Variants in COLEC10 observed in about 807,000 individuals in gnomAD.
COLEC10 encodes collectin subfamily member 10, also known as collectin-10.
COLEC10 carries 22 observed loss-of-function variants against 28.4 expected under a neutral mutation model. The observed-to-expected ratio is 0.78, with a 90% CI of 0.55 to 1.11. The LOEUF (loss-of-function observed/expected upper bound fraction) is 1.11, where lower values mean the gene tolerates loss of function less well. COLEC10 is among the 50% of genes least tolerant of loss of function. The pLI, the probability that COLEC10 is intolerant of heterozygous loss-of-function variation, is 0.00. For synonymous variants in COLEC10, 125 were observed against 116.1 expected (o/e 1.08, Z -0.49); for missense variants, 361 against 344.1 (o/e 1.05, Z -0.39).
upstream of COLEC10, among the ~76,000 whole-genome samples, chr8:119,063,889 G>A (rs1001411037): frequency 6.6e-6 from 1 of 152,150 alleles, no homozygotes; most frequent in Non-Finnish European, 1.5e-5. Flanking sequence ...GTAGAACTAT[G>A]AAGACAGTTT....
intron 2 of COLEC10, among the ~76,000 whole-genome samples, chr8:119,045,356 A>T (rs544652930): frequency 6.6e-6 from 1 of 152,336 alleles, no homozygotes; most frequent in South Asian, 2.1e-4. Context: ...AAATAGAAAA[A>T]TGTGGCATGA....
the COLEC10 span, among the ~76,000 whole-genome samples, chr8:118,989,589 CCATAACCTACT>C: frequency 4.2e-5 from 6 of 143,976 alleles, no homozygotes; most frequent in Non-Finnish European, 9.1e-5. Context: ...CCCTACCTAC[CCATAACCTACT>C]CAAACTGCAG....
chr8:118,987,891 T>C, the COLEC10 span, among the ~76,000 whole-genome samples: 2 of 152,286 alleles, frequency 1.3e-5, no homozygotes, highest in Non-Finnish European at 2.9e-5. Context: ...AAATAGTCTT[T>C]GGTTTCAGCA....
chr8:119,067,397 G>A lies in COLEC10; in HGVS notation c.116G>A (p.Cys39Tyr). 1 of 1,613,986 alleles carries A rather than the reference G, an allele frequency of 6.2e-7. No individual in the cohort carries two copies. The change falls in exon 1 of 6, where the codon TGT becomes TAT. Residue 39 changes from cysteine to tyrosine, a missense_variant. By Grantham distance (194) the Cys-to-Tyr change is radical (BLOSUM62 -2). This residue lies in a region of COLEC10 where 335 missense variants were observed against 308.5 expected (regional missense o/e 1.09). Coordinates refer to ENST00000332843, the MANE Select transcript of COLEC10 (RefSeq NM_006438.5). ...GATAGCCGTCCTACCGCTGAAGTCT[G>A]TGCCACACACACAATTTCACCAGGA... is the stretch of plus-strand genomic sequence containing the variant. Reference protein sequence around the residue: ...DIDSRPTAEVCATHTISPGPK... With the variant: ...DIDSRPTAEVYATHTISPGPK...
the COLEC10 span, among the ~76,000 whole-genome samples, chr8:118,979,607 C>A: frequency 6.6e-6 from 1 of 151,870 alleles, no homozygotes; most frequent in African/African-American, 2.4e-5. Flanking sequence ...AGAATTTAAT[C>A]ATTCCACAAA....
intron 2 of COLEC10, among the ~76,000 whole-genome samples, chr8:119,040,336 G>C (rs1814471994): frequency 6.6e-6 from 1 of 152,156 alleles, no homozygotes; most frequent in Non-Finnish European, 1.5e-5. Flanking sequence ...ATGGTCTTAA[G>C]AGGAGACATT....
At position 119,104,032 on chromosome 8, in the gene COLEC10, A is replaced by T. The variant is rs558099006; in HGVS notation, c.442+137A>T. The T allele has an allele frequency of 1.3e-5, 8 of 624,400 alleles. No individual in the cohort carries two copies. The African/African-American group carries it at 1.5e-4, about 12-fold the overall frequency. 38.7% of individuals were successfully genotyped at this position (624,400 alleles called of 1,614,324 possible). On this transcript the variant is annotated intron_variant, in intron 5 of 5. Coordinates refer to ENST00000332843, the MANE Select transcript of COLEC10 (RefSeq NM_006438.5). ...AGTGTCACCAGTTTAAGGGTCTCCC[A>T]AATTGCTAATTATCCACTAAGACTC...
intron 2 of COLEC10, among the ~76,000 whole-genome samples, chr8:119,026,098 A>C (rs1814185278): frequency 6.6e-6 from 1 of 152,146 alleles, no homozygotes. Flanking sequence ...ACATTTTCTC[A>C]GTTCTTTTCA....
the COLEC10 span, among the ~76,000 whole-genome samples, chr8:118,981,502 T>C: frequency 2.0e-5 from 3 of 152,130 alleles, no homozygotes; most frequent in Admixed American, 1.3e-4. Context: ...GTATATTTTA[T>C]CCTAGGTTTT....
intron 2 of COLEC10, among the ~76,000 whole-genome samples, chr8:119,011,129 G>T (rs1013792668): frequency 4.0e-5 from 6 of 150,922 alleles, no homozygotes; most frequent in Non-Finnish European, 8.8e-5. Flanking sequence ...TTACAATTAG[G>T]TCTGTGATTC....
In COLEC10 at chr8:119,067,257, G is replaced by A. The variant is rs369792745; in HGVS notation, c.-25G>A. On this transcript the variant is annotated 5_prime_UTR_variant, in exon 1 of 6. Coordinates refer to ENST00000332843, the MANE Select transcript of COLEC10 (RefSeq NM_006438.5). The stretch of plus-strand genomic sequence containing the variant: ...AGCTGTTTATTTGGCATTTCTGGGA[G>A]ACCCTTTTCTGAGGAACCACAGCAA... 5 of 1,610,006 alleles carry A rather than the reference G, an allele frequency of 3.1e-6. No homozygotes were observed. In the African/African-American group the frequency reaches 6.7e-5, roughly 22 times the overall value.
At chr8:119,036,054 T>C (rs1024223187) in intron 2 of COLEC10, among the ~76,000 whole-genome samples, 1 of 152,192 alleles carries the variant, frequency 6.6e-6, no homozygotes, top group African/African-American at 2.4e-5. Flanking sequence ...TTTGTTTATG[T>C]TTTTATATTT....
rs1323359736 is a variant in COLEC10, at chr8:119,089,682, G to A, written c.151G>A (p.Asp51Asn). Residue 51 changes from aspartate to asparagine, a missense_variant and splice_region_variant, in exon 2 of 6, where the codon GAT (aspartate) becomes AAT (asparagine). Coordinates refer to ENST00000332843, the MANE Select transcript of COLEC10 (RefSeq NM_006438.5). The part of the protein sequence containing the change: ...THTISPGPKG[D>N]DGEKGDPGEE... ...TATCTCATTTTCTGTTTCAAAAGGA[G>A]ATGATGGTGAAAAAGGAGATCCAGG... The A allele has an allele frequency of 6.2e-7, 1 of 1,612,670 alleles. No individual in the cohort carries two copies. Among genetic ancestry groups the A allele is most frequent in the Non-Finnish European group, 8.5e-7 (1 of 1,179,024 alleles).
At chr8:119,033,339 C>T (rs770833987) in intron 2 of COLEC10, among the ~76,000 whole-genome samples, 18 of 139,812 alleles carry the variant, frequency 1.3e-4, no homozygotes, top group South Asian at 7.3e-4. Flanking sequence ...TAGGCATGGG[C>T]AAAGACTTCA....
intron 1 of COLEC10, among the ~76,000 whole-genome samples, chr8:119,003,193 A>C (rs1156791158): frequency 2.0e-5 from 3 of 152,156 alleles, no homozygotes; most frequent in African/African-American, 7.2e-5. Context: ...TATGTTTTTC[A>C]ACTACTTTTC....
intron 1 of COLEC10, among the ~76,000 whole-genome samples, chr8:119,084,743 A>C (rs1031646635): frequency 3.3e-5 from 5 of 152,376 alleles, no homozygotes; most frequent in Non-Finnish European, 7.3e-5. Flanking sequence ...GTTCATGTCT[A>C]TAATTTACTT....
intron 2 of COLEC10, among the ~76,000 whole-genome samples, chr8:119,022,006 T>A (rs1814107010): frequency 6.6e-6 from 1 of 152,070 alleles, no homozygotes; most frequent in East Asian, 1.9e-4. Context: ...AGGGAAAAAA[T>A]TGTCAAGACC....
intron 2 of COLEC10, among the ~76,000 whole-genome samples, chr8:119,056,772 A>T (rs540053616): frequency 2.2e-4 from 34 of 151,448 alleles, no homozygotes; most frequent in East Asian, 1.4e-3. Flanking sequence ...CATTCTTTTT[A>T]AAAAAAAATC....
intron 1 of COLEC10, among the ~76,000 whole-genome samples, chr8:118,995,913 C>A (rs181899775): frequency 6.6e-6 from 1 of 151,662 alleles, no homozygotes; most frequent in Non-Finnish European, 1.5e-5. Context: ...GTGAGATATA[C>A]CCCCTGAACA....
Sources: allele counts gnomAD v4.1 joint callset (sites outside exome capture counted in the v4.1 genomes callset), GRCh38; gene constraint gnomAD v4.1.1; regional missense constraint gnomAD v4.1.1; transcripts MANE v1.5; gene names NCBI Gene and HGNC (gene_info 2026-07-23, HGNC 2026-07-21).